The following ABCC4 variants were observed in gnomAD, a reference collection of about 807,000 sequenced individuals.
ABCC4 encodes the protein ATP-binding cassette sub-family C member 4.
ABCC4 carries 102 observed loss-of-function variants against 168.5 expected under a neutral mutation model. The ratio of observed to expected loss-of-function variants is 0.61; its 90% confidence interval spans 0.52 to 0.71. The LOEUF (loss-of-function observed/expected upper bound fraction) is 0.71, where lower values mean the gene tolerates loss of function less well. Among genes scored for constraint, ABCC4 ranks in the 30% least tolerant of loss-of-function variants. The pLI is 0.00. For synonymous variants in ABCC4, 617 were observed against 590.7 expected, an observed-to-expected ratio of 1.04 and a Z score of -0.65; for missense variants, 1,402 against 1,605.8, an observed-to-expected ratio of 0.87 and a Z score of 2.17.
At chr13:95,185,933 T>C (rs2038044092) in intron 11 of ABCC4, among the ~76,000 whole-genome samples, 1 of 152,024 alleles carries the variant, frequency 6.6e-6, no homozygotes, top group Non-Finnish European at 1.5e-5. Context: ...TTTATCCATG[T>C]AACCAAAAAC....
chr13:95,288,719 C>A (rs1034479212), intron 1 of ABCC4, among the ~76,000 whole-genome samples: 16 of 151,918 alleles, frequency 1.1e-4, no homozygotes, highest in Non-Finnish European at 2.9e-5. Flanking sequence ...GGCAGGAGAA[C>A]TGCTTGAACC....
At chr13:95,225,366 G>C (rs2039434742) in intron 4 of ABCC4, among the ~76,000 whole-genome samples, 2 of 152,144 alleles carry the variant, frequency 1.3e-5, no homozygotes, top group Non-Finnish European at 2.9e-5. Context: ...AACGGTAAGT[G>C]AAAATTTAAA....
At chr13:95,070,982 T>C (rs546324945) in intron 25 of ABCC4, among the ~76,000 whole-genome samples, 7 of 152,056 alleles carry the variant, frequency 4.6e-5, no homozygotes, top group African/African-American at 7.2e-5. Context: ...TGGGAGGTAA[T>C]TGAATCATGG....
chr13:95,196,580 A>AGGAGGGAGGGAGGGAG (rs1566515153), intron 8 of ABCC4, among the ~76,000 whole-genome samples: 11 of 101,098 alleles, frequency 1.1e-4, no homozygotes, highest in African/African-American at 3.0e-4. Context: ...AAAGGAGGAA[A>AGGAGGGAGGGAGGGAG]GGAGGAAGGA....
chr13:95,049,855 G>A (rs2032754797), intron 27 of ABCC4, among the ~76,000 whole-genome samples: 1 of 152,106 alleles, frequency 6.6e-6, no homozygotes, highest in Non-Finnish European at 1.5e-5. Flanking sequence ...CCTTTTAAGT[G>A]GTTAAAGAGG....
At chr13:95,274,117 C>G (rs2040913202) in intron 1 of ABCC4, among the ~76,000 whole-genome samples, 1 of 152,180 alleles carries the variant, frequency 6.6e-6, no homozygotes, top group African/African-American at 2.4e-5. Context: ...AGCGTGAAAA[C>G]AGACTCATAC....
At chr13:95,159,093 TTATATA>T (rs554884258) in intron 19 of ABCC4, among the ~76,000 whole-genome samples, 3,276 of 60,980 alleles carry the variant, frequency 0.054, 114 homozygotes, top group East Asian at 0.21. Flanking sequence ...TAAATAAATT[TTATATA>T]TATATATATA....
chr13:95,084,114 T>C (rs2034185382), intron 20 of ABCC4, among the ~76,000 whole-genome samples: 1 of 152,234 alleles, frequency 6.6e-6, no homozygotes, highest in South Asian at 2.1e-4. Flanking sequence ...TTGGTATCTA[T>C]CCTTTGCTAA....
intron 19 of ABCC4, among the ~76,000 whole-genome samples, chr13:95,127,453 G>C (rs2035819519): frequency 6.6e-6 from 1 of 151,976 alleles, no homozygotes; most frequent in Admixed American, 6.6e-5. Flanking sequence ...GCTAATTTTT[G>C]TATTTTTAGA....
intron 20 of ABCC4, among the ~76,000 whole-genome samples, chr13:95,104,037 A>C (rs1211340383): frequency 6.6e-6 from 1 of 152,184 alleles, no homozygotes; most frequent in Non-Finnish European, 1.5e-5. Flanking sequence ...TGTGATGTGA[A>C]CTTGTATTTG....
chr13:95,228,127 C>T (rs2039518020), intron 4 of ABCC4, among the ~76,000 whole-genome samples: 1 of 152,174 alleles, frequency 6.6e-6, no homozygotes, highest in Admixed American at 6.5e-5. Context: ...AAGACCACAA[C>T]ACTGTATGGC....
chr13:95,172,372 G>A (rs1349397836), intron 13 of ABCC4, among the ~76,000 whole-genome samples: 8 of 151,876 alleles, frequency 5.3e-5, no homozygotes, highest in South Asian at 2.1e-4. Context: ...ACTTGAGGTC[G>A]GGAGTTCAAG....
chr13:95,241,259 G>GGA (rs2039935265), intron 3 of ABCC4, among the ~76,000 whole-genome samples: 2 of 151,716 alleles, frequency 1.3e-5, no homozygotes, highest in Non-Finnish European at 1.5e-5. Flanking sequence ...CAGCTACTCA[G>GGA]GAGGCAGAGG....
intron 13 of ABCC4, among the ~76,000 whole-genome samples, chr13:95,176,705 T>C (rs1249843277): frequency 6.6e-6 from 1 of 152,190 alleles, no homozygotes; most frequent in African/African-American, 2.4e-5. Context: ...CAAGCGAAGA[T>C]GTTTCATGCA....
chr13:95,088,871 G>A (rs1466872464), intron 20 of ABCC4, among the ~76,000 whole-genome samples: 2 of 151,196 alleles, frequency 1.3e-5, no homozygotes, highest in African/African-American at 4.9e-5. Flanking sequence ...TGATTAAATA[G>A]AAAACTAATT....
chr13:95,090,737 A>G (rs1639448361), intron 20 of ABCC4, among the ~76,000 whole-genome samples: 1 of 152,236 alleles, frequency 6.6e-6, no homozygotes, highest in African/African-American at 2.4e-5. Context: ...CCAGCCTCAC[A>G]AAATCACACT....
At position 95,210,687 on chromosome 13, in the gene ABCC4, C is replaced by T. The variant is rs372813116; in HGVS notation, c.621+5G>A. Reference sequence around the variant, plus strand: ...ATGAAAAAGGATCCCTGAGCTGCAGCTTACCTGATCAAACTTGTTCACATC... The same window carrying T: ...ATGAAAAAGGATCCCTGAGCTGCAGTTTACCTGATCAAACTTGTTCACATC... On this transcript the variant is annotated splice_donor_5th_base_variant and intron_variant, in intron 5 of 30. Transcript: ENST00000645237. The T allele has an allele frequency of 3.4e-5, 55 of 1,613,248 alleles. No homozygotes were observed. Among genetic ancestry groups the T allele is most frequent in the Non-Finnish European group, 4.6e-5 (54 of 1,179,348 alleles).
At chr13:95,282,805 T>TTAC (rs2041160511) in intron 1 of ABCC4, among the ~76,000 whole-genome samples, 1 of 151,986 alleles carries the variant, frequency 6.6e-6, no homozygotes, top group African/African-American at 2.4e-5. Context: ...AGTGCTGGGA[T>TTAC]TACAGGTGTG....
In ABCC4 at chr13:95,075,500, G is replaced by C; in HGVS notation, c.2738C>G (p.Thr913Ser). The change falls in exon 22 of 31, where the codon ACC becomes AGC. Residue 913 changes from threonine (T) to serine (S), a missense_variant. By Grantham distance (58) the Thr-to-Ser change is moderately conservative. This residue lies in a region of ABCC4 where 1,007 missense variants were observed against 1,127.3 expected (regional missense o/e 0.89). Coordinates refer to ENST00000645237, the MANE Select transcript of ABCC4 (RefSeq NM_005845.5). ...HLSSSLQGLW[T>S]IRAYKAEERC... ...CTCTTCTGCTTTGTATGCCCGGATG[G>C]TCCAGAGCCCCTGGAGAGAAGATGA... 1 of 1,614,106 alleles carries C rather than the reference G, an allele frequency of 6.2e-7. No homozygotes were observed. The highest frequency in any genetic ancestry group is 1.1e-5 in the South Asian group (1 of 91,070).
Sources: allele counts gnomAD v4.1 joint callset (sites outside exome capture counted in the v4.1 genomes callset), GRCh38; gene constraint gnomAD v4.1.1; regional missense constraint gnomAD v4.1.1; transcripts MANE v1.5; gene names NCBI Gene and HGNC (gene_info 2026-07-23, HGNC 2026-07-21).